Variants in RGS12 observed in about 807,000 individuals in gnomAD.
The protein encoded by RGS12 is regulator of G protein signaling 12.
RGS12 carries 66 observed loss-of-function variants against 120.1 expected under a neutral mutation model. The ratio of observed to expected loss-of-function variants is 0.55; its 90% CI spans 0.45 to 0.67. The LOEUF (loss-of-function observed/expected upper bound fraction) is 0.67. Ranked by LOEUF, RGS12 falls within the 30% of genes least tolerant of loss-of-function variation. The probability of loss-of-function intolerance (pLI) is 0.00; values close to 1 mark genes in which losing one functional copy is unlikely to be tolerated. For synonymous variants in RGS12, 827 were observed against 804.7 expected, an observed-to-expected ratio of 1.03 and a Z score of -0.47; for missense variants, 1,859 against 1,957.7, an observed-to-expected ratio of 0.95 and a Z score of 0.95.
chr4:3,416,389 G>C (rs527845507), intron 7 of RGS12, among the ~76,000 whole-genome samples: 28 of 152,316 alleles, frequency 1.8e-4, no homozygotes, highest in Middle Eastern at 3.4e-3. Flanking sequence ...CTCATGTTTC[G>C]ATCCTGTGCG....
intron 9 of RGS12, chr4:3,418,959 T>C (rs919384715): frequency 2.7e-5 from 4 of 149,760 alleles, no homozygotes; most frequent in Non-Finnish European, 5.9e-5. Context: ...GGCAGGCGGA[T>C]TGCCTGAGCT....
intron 13 of RGS12, among the ~76,000 whole-genome samples, chr4:3,424,234 C>G (rs943234037): frequency 6.6e-6 from 1 of 152,250 alleles, no homozygotes; most frequent in Admixed American, 6.5e-5. Context: ...CGTGGGGGTT[C>G]CGGGCACAGT....
intron 2 of RGS12, among the ~76,000 whole-genome samples, chr4:3,328,086 C>T (rs1476630173): frequency 2.0e-5 from 3 of 152,250 alleles, no homozygotes; most frequent in Admixed American, 1.3e-4. Context: ...TTGTCTTTCA[C>T]AGCCACATGG....
chr4:3,321,475 T>C (rs1336684281), intron 2 of RGS12, among the ~76,000 whole-genome samples: 1 of 152,170 alleles, frequency 6.6e-6, no homozygotes, highest in African/African-American at 2.4e-5. Flanking sequence ...CAAGGCCCAG[T>C]GCCAGGATCA....
At chr4:3,378,678 A>G (rs1180026641) in intron 3 of RGS12, 1 of 152,230 alleles carries the variant, frequency 6.6e-6, no homozygotes, top group East Asian at 1.9e-4. Context: ...ATCACCCATC[A>G]CCAGAGAAAT....
intron 17 of RGS12, among the ~76,000 whole-genome samples, chr4:3,435,903 G>A (rs1724761313): frequency 6.6e-6 from 1 of 152,162 alleles, no homozygotes; most frequent in Non-Finnish European, 1.5e-5. Context: ...GCTCCGGCTT[G>A]AAGCCCCTCC....
chr4:3,342,598 A>G (rs1713352850), intron 2 of RGS12: 6 of 1,319,952 alleles, frequency 4.5e-6, no homozygotes, highest in Non-Finnish European at 4.0e-6. Flanking sequence ...CCACTTTCCA[A>G]GCACCCTTGC....
chr4:3,434,979 A>C (rs974663303), intron 17 of RGS12, among the ~76,000 whole-genome samples: 4 of 151,754 alleles, frequency 2.6e-5, no homozygotes, highest in African/African-American at 9.7e-5. Context: ...AAGAGGATGG[A>C]CTCCACCTGC....
Position 3,317,542 on chromosome 4 carries a change from G to T in RGS12, c.1372G>T (p.Asp458Tyr). Residue 458 changes from aspartate to tyrosine, a missense_variant, in exon 2 of 18, where the codon GAC becomes TAC. Around this residue, in one of 3 missense-constraint regions of RGS12, gnomAD observed 967 missense variants for 994.2 expected, o/e 0.97. Coordinates refer to ENST00000336727, the MANE Select transcript of RGS12 (RefSeq NM_001394154.1). ...SRHGPGGSAW[D>Y]GVGGRGAQPW... ...ACACGGCCCCGGAGGCAGCGCGTGGGACGGTGTGGGTGGGAGGGGTGCCCA... is the reference window on the plus strand; with the variant it reads ...ACACGGCCCCGGAGGCAGCGCGTGGTACGGTGTGGGTGGGAGGGGTGCCCA... 6.2e-7 allele frequency: 1 copy of T among 1,610,438 alleles called. No homozygotes were observed. The highest frequency in any genetic ancestry group is 1.3e-5 in the African/African-American group (1 of 75,064).
chr4:3,289,192 C>A (rs1722961514), upstream of RGS12, among the ~76,000 whole-genome samples: 1 of 152,176 alleles, frequency 6.6e-6, no homozygotes, highest in Admixed American at 6.5e-5. Context: ...GTACAACTTA[C>A]CAACTTAACC....
intron 2 of RGS12, among the ~76,000 whole-genome samples, chr4:3,337,794 A>G (rs1712636851): frequency 6.6e-6 from 1 of 152,180 alleles, no homozygotes; most frequent in Non-Finnish European, 1.5e-5. Flanking sequence ...GTACGAACAC[A>G]CCTAATGCTA....
chr4:3,354,632 A>T (rs901786341), intron 3 of RGS12, among the ~76,000 whole-genome samples: 1 of 152,232 alleles, frequency 6.6e-6, no homozygotes, highest in Non-Finnish European at 1.5e-5. Flanking sequence ...TAAGCAGTCC[A>T]TTGCAAAATA....
At chr4:3,324,086 A>ATATC (rs1197959520) in intron 2 of RGS12, 1 of 152,498 alleles carries the variant, frequency 6.6e-6, no homozygotes, top group African/African-American at 2.4e-5. Flanking sequence ...AGATCTTGTC[A>ATATC]TATCTGTTGT....
chr4:3,409,931 A>G (rs1257742782), intron 4 of RGS12, among the ~76,000 whole-genome samples: 1 of 152,042 alleles, frequency 6.6e-6, no homozygotes, highest in African/African-American at 2.4e-5. Flanking sequence ...CTTGCTCATC[A>G]CTGTCCCCCA....
chr4:3,338,468 C>T (rs1380470302), intron 2 of RGS12, among the ~76,000 whole-genome samples: 3 of 152,218 alleles, frequency 2.0e-5, no homozygotes, highest in East Asian at 1.9e-4. Context: ...GGAGGGAACC[C>T]GATGCTTTTC....
chr4:3,331,168 T>A (rs368574361), intron 2 of RGS12, among the ~76,000 whole-genome samples: 1 of 152,120 alleles, frequency 6.6e-6, no homozygotes, highest in Non-Finnish European at 1.5e-5. Context: ...ACACATATAT[T>A]TAATATCCTG....
intron 4 of RGS12, among the ~76,000 whole-genome samples, chr4:3,411,490 C>A (rs1281343741): frequency 6.6e-6 from 1 of 152,146 alleles, no homozygotes; most frequent in Non-Finnish European, 1.5e-5. Context: ...CTTGTTTGTT[C>A]CCCTCATTTC....
chr4:3,308,107 G>A (rs1456072999), intron 1 of RGS12, among the ~76,000 whole-genome samples: 1 of 152,226 alleles, frequency 6.6e-6, no homozygotes, highest in East Asian at 1.9e-4. Context: ...TGGGCCCAGG[G>A]GCCGTGTGCA....
At chr4:3,337,917 G>A (rs1712650644) in intron 2 of RGS12, among the ~76,000 whole-genome samples, 1 of 152,190 alleles carries the variant, frequency 6.6e-6, no homozygotes, top group Non-Finnish European at 1.5e-5. Flanking sequence ...CAGGAGCTGG[G>A]TGTTGTCTCA....
Sources: allele counts gnomAD v4.1 joint callset (sites outside exome capture counted in the v4.1 genomes callset), GRCh38; gene constraint gnomAD v4.1.1; regional missense constraint gnomAD v4.1.1; transcripts MANE v1.5; gene names NCBI Gene and HGNC (gene_info 2026-07-23, HGNC 2026-07-21).